THADA: variants seen among roughly 807,000 people sequenced by gnomAD.
THADA encodes THADA armadillo repeat containing.
In THADA, 213 loss-of-function variants were observed where a neutral mutation model predicts 219.8. The observed-to-expected ratio is 0.97, with a 90% CI of 0.87 to 1.09. THADA has a LOEUF of 1.09. THADA is among the 50% of genes least tolerant of loss of function. The pLI, the probability that THADA is intolerant of heterozygous loss-of-function variation, is 0.00. For missense variants in THADA, 2,956 were observed against 2,311.3 expected (o/e 1.28, Z -5.72); for synonymous variants, 1,018 against 828.9 (o/e 1.23, Z -3.92).
At chr2:43,287,549 G>A (rs182682696) in intron 34 of THADA, among the ~76,000 whole-genome samples, 32 of 152,216 alleles carry the variant, frequency 2.1e-4, no homozygotes, top group South Asian at 8.3e-4. Flanking sequence ...AACTTGCCTC[G>A]GCCTCCCAAA....
intron 21 of THADA, among the ~76,000 whole-genome samples, chr2:43,540,513 T>C (rs912514526): frequency 6.6e-6 from 1 of 152,230 alleles, no homozygotes. Context: ...GTACATGTTA[T>C]ATATCTTTGC....
At chr2:43,548,214 G>A (rs1410680765) in intron 20 of THADA, among the ~76,000 whole-genome samples, 6 of 152,168 alleles carry the variant, frequency 3.9e-5, no homozygotes, top group African/African-American at 7.2e-5. Flanking sequence ...CTGTCTGATC[G>A]TTCCTCTGGA....
At chr2:43,385,024 C>T (rs938003943) in intron 29 of THADA, among the ~76,000 whole-genome samples, 1 of 151,832 alleles carries the variant, frequency 6.6e-6, no homozygotes, top group Non-Finnish European at 1.5e-5. Context: ...GCCTGTAGTC[C>T]CTGCTATTTG....
At chr2:43,453,308 C>G (rs1246532009) in intron 26 of THADA, among the ~76,000 whole-genome samples, 1 of 152,210 alleles carries the variant, frequency 6.6e-6, no homozygotes. Flanking sequence ...AGGAATTAGT[C>G]TTCCTTCTGA....
intron 26 of THADA, among the ~76,000 whole-genome samples, chr2:43,483,607 G>A (rs903755317): frequency 2.0e-5 from 3 of 151,962 alleles, no homozygotes; most frequent in African/African-American, 7.2e-5. Flanking sequence ...CTATCCAAGA[G>A]GAATAAATTT....
Position 43,574,729 on chromosome 2 carries a change from G to T in THADA, c.1336C>A (p.Arg446=). The part of the protein sequence containing the change: ...FFVELTESLL[R]LEWHIKGKYT... ...TTTCCTTTAATATGCCATTCCAATCGTAAAAGACTCTCAGTCAATTCCACA... is the reference window on the plus strand; with the variant it reads ...TTTCCTTTAATATGCCATTCCAATCTTAAAAGACTCTCAGTCAATTCCACA... The change falls in exon 11 of 38, where the codon CGA becomes AGA. Residue 446 remains arginine, a synonymous_variant. Coordinates refer to ENST00000405975, the MANE Select transcript of THADA (RefSeq NM_022065.5). 1 of 1,613,936 alleles carries T rather than the reference G, an allele frequency of 6.2e-7. No individual in the cohort carries two copies. The highest frequency in any genetic ancestry group is 8.5e-7 in the Non-Finnish European group (1 of 1,179,890).
intron 36 of THADA, among the ~76,000 whole-genome samples, chr2:43,250,669 G>C (rs1001756663): frequency 6.6e-6 from 1 of 152,072 alleles, no homozygotes; most frequent in Non-Finnish European, 1.5e-5. Context: ...TTTGAGACCA[G>C]CCTGGGCAAC....
chr2:43,236,468 T>C (rs1481786117), intron 36 of THADA, among the ~76,000 whole-genome samples: 4 of 152,190 alleles, frequency 2.6e-5, no homozygotes, highest in Non-Finnish European at 4.4e-5. Context: ...GAGGAATTTG[T>C]CACTTAAGCA....
chr2:43,477,853 C>T (rs977623382), intron 26 of THADA, among the ~76,000 whole-genome samples: 1 of 152,184 alleles, frequency 6.6e-6, no homozygotes, highest in African/African-American at 2.4e-5. Flanking sequence ...TTTTAATTTT[C>T]TTAGACATGT....
At chr2:43,541,011 TA>T in intron 21 of THADA, 147 bp downstream of exon 21, 1 of 830,054 alleles carries the variant, frequency 1.2e-6, no homozygotes, top group Non-Finnish European at 1.7e-6. Flanking sequence ...TCTAACATTC[TA>T]AATTACCATG....
intron 20 of THADA, among the ~76,000 whole-genome samples, chr2:43,548,968 G>A (rs971586618): frequency 1.1e-4 from 16 of 152,144 alleles, no homozygotes; most frequent in Non-Finnish European, 1.6e-4. Context: ...CGTCACTCCC[G>A]CTGGGAGCTG....
intron 22 of THADA, among the ~76,000 whole-genome samples, chr2:43,525,268 G>A (rs6751035): frequency 0.11 from 16,141 of 152,222 alleles, 949 homozygotes; most frequent in African/African-American, 0.15. Context: ...GTTGGTTCAT[G>A]TGGCAGATGG....
chr2:43,315,463 T>C (rs1677967415), intron 31 of THADA, among the ~76,000 whole-genome samples: 1 of 151,782 alleles, frequency 6.6e-6, no homozygotes, highest in Admixed American at 6.6e-5. Flanking sequence ...TTTTTTTTTC[T>C]TTTTTTTCTT....
At chr2:43,359,944 T>C (rs926527509) in intron 29 of THADA, among the ~76,000 whole-genome samples, 3 of 151,936 alleles carry the variant, frequency 2.0e-5, no homozygotes, top group East Asian at 1.9e-4. Context: ...TTTTTTTTTT[T>C]CTATTATTAG....
chr2:43,359,506 C>T (rs1669251044), intron 29 of THADA, among the ~76,000 whole-genome samples: 1 of 152,136 alleles, frequency 6.6e-6, no homozygotes, highest in Non-Finnish European at 1.5e-5. Flanking sequence ...ATGGTGAAAC[C>T]CCGTCTCTAC....
At chr2:43,312,718 T>C (rs1677648394) in intron 31 of THADA, among the ~76,000 whole-genome samples, 1 of 95,850 alleles carries the variant, frequency 1.0e-5, no homozygotes, top group Non-Finnish European at 2.2e-5. Flanking sequence ...ACAAAGCCTG[T>C]TTTTTTTTTT....
At chr2:43,289,977 T>G (rs1274009275) in intron 34 of THADA, among the ~76,000 whole-genome samples, 5 of 2,638 alleles carry the variant, frequency 1.9e-3, no homozygotes, top group Admixed American at 7.6e-3. Flanking sequence ...TTTGTTTTTG[T>G]TTTTTTTTTT....
intron 29 of THADA, among the ~76,000 whole-genome samples, chr2:43,345,119 A>G (rs1411819244): frequency 6.6e-6 from 1 of 152,224 alleles, no homozygotes; most frequent in Admixed American, 6.5e-5. Context: ...GTCTATTTTA[A>G]TAACATCTGT....
At chr2:43,448,845 A>G (rs1681934738) in intron 26 of THADA, among the ~76,000 whole-genome samples, 1 of 152,084 alleles carries the variant, frequency 6.6e-6, no homozygotes, top group African/African-American at 2.4e-5. Flanking sequence ...GGAGAACCTG[A>G]TTTCCAGAGT....
Sources: allele counts gnomAD v4.1 joint callset (sites outside exome capture counted in the v4.1 genomes callset), GRCh38; gene constraint gnomAD v4.1.1; transcripts MANE v1.5; gene names NCBI Gene and HGNC (gene_info 2026-07-23, HGNC 2026-07-21).